RALYL: variants seen among roughly 807,000 people sequenced by gnomAD.
RALYL encodes the protein RALY RNA binding protein like, also known as RNA-binding Raly-like protein.
RALYL carries 29 observed loss-of-function variants against 35.1 expected under a neutral mutation model. That is an observed-to-expected ratio of 0.83 (90% CI 0.61 to 1.13). The LOEUF (loss-of-function observed/expected upper bound fraction) is 1.13, where lower values mean the gene tolerates loss of function less well. RALYL is among the 50% of genes most tolerant of loss of function. The pLI is 0.00. For missense variants in RALYL, 359 were observed against 360.4 expected, an observed-to-expected ratio of 1.00 and a Z score of 0.03; for synonymous variants, 120 against 127.6, an observed-to-expected ratio of 0.94 and a Z score of 0.40.
At chr8:84,497,957 G>T (rs1587792823) in intron 1 of RALYL, among the ~76,000 whole-genome samples, 1 of 147,930 alleles carries the variant, frequency 6.8e-6, no homozygotes, top group East Asian at 2.0e-4. Context: ...TGCTTTTTAA[G>T]TTTTTTTTTT....
At chr8:84,222,300 C>T (rs564939099) in intron 1 of RALYL, among the ~76,000 whole-genome samples, 1 of 152,224 alleles carries the variant, frequency 6.6e-6, no homozygotes, top group Non-Finnish European at 1.5e-5. Flanking sequence ...TTATTGAACA[C>T]CTGTCACATT....
intron 2 of RALYL, among the ~76,000 whole-genome samples, chr8:84,664,982 T>A (rs1394281858): frequency 6.6e-6 from 1 of 152,164 alleles, no homozygotes; most frequent in Admixed American, 6.5e-5. Context: ...TGACTCTTAT[T>A]ATTTTGAGGT....
intron 1 of RALYL, among the ~76,000 whole-genome samples, chr8:84,285,358 G>C (rs139159920): frequency 6.6e-6 from 1 of 152,152 alleles, no homozygotes; most frequent in Admixed American, 6.5e-5. Flanking sequence ...TATCACTCAA[G>C]TAAAAATAAG....
At chr8:84,369,351 AAAAG>A (rs1297195465) in intron 1 of RALYL, among the ~76,000 whole-genome samples, 136 of 151,772 alleles carry the variant, frequency 9.0e-4, no homozygotes, top group African/African-American at 3.1e-3. Context: ...GATAAAGGTC[AAAAG>A]AAAGAGATAT....
chr8:84,446,509 C>T (rs2048874618), intron 1 of RALYL, among the ~76,000 whole-genome samples: 2 of 151,988 alleles, frequency 1.3e-5, no homozygotes. Context: ...TCTCATGGAC[C>T]ATCTGTATGG....
intron 1 of RALYL, among the ~76,000 whole-genome samples, chr8:84,319,127 C>T (rs1844330416): frequency 6.6e-6 from 1 of 152,120 alleles, no homozygotes; most frequent in Admixed American, 6.5e-5. Flanking sequence ...GCCAACTATA[C>T]ATTGGCATCA....
chr8:84,426,266 G>A (rs906910598), intron 1 of RALYL, among the ~76,000 whole-genome samples: 1 of 151,972 alleles, frequency 6.6e-6, no homozygotes, highest in Non-Finnish European at 1.5e-5. Context: ...TACTTATTTA[G>A]CATAAATCTC....
In RALYL at chr8:84,728,095, G is replaced by T. The variant is rs541330390; in HGVS notation, c.257-46484G>T. On this transcript the variant is annotated intron_variant, in intron 2 of 8. Coordinates refer to ENST00000521268, the MANE Select transcript of RALYL (RefSeq NM_173848.7). The stretch of plus-strand genomic sequence containing the variant: ...ACTAGTTTACAGTCCCACCAACAGT[G>T]TAAAAGTGTTCCTATTTCTCCACAT... Among the ~76,000 whole-genome samples, 76 of 151,610 alleles carry T rather than the reference G, an allele frequency of 5.0e-4. 1 individual carries two copies. Among genetic ancestry groups the T allele is most frequent in the Admixed American group, 1.1e-3 (16 of 15,220 alleles).
chr8:84,802,369 A>ACAT (rs1272257971), intron 3 of RALYL, among the ~76,000 whole-genome samples: 1 of 152,244 alleles, frequency 6.6e-6, no homozygotes, highest in Admixed American at 6.5e-5. Flanking sequence ...GGTTTATAGA[A>ACAT]CATCATCAGA....
chr8:84,820,922 G>C (rs1828378994), intron 4 of RALYL, among the ~76,000 whole-genome samples: 1 of 152,166 alleles, frequency 6.6e-6, no homozygotes, highest in South Asian at 2.1e-4. Context: ...TGCACGAAGA[G>C]AGTTGTTATT....
At chr8:84,598,456 C>G (rs1013099716) in intron 2 of RALYL, among the ~76,000 whole-genome samples, 4 of 152,098 alleles carry the variant, frequency 2.6e-5, no homozygotes, top group African/African-American at 9.7e-5. Flanking sequence ...TTCTCTTGTC[C>G]TACATACCAC....
intron 1 of RALYL, among the ~76,000 whole-genome samples, chr8:84,324,654 G>C (rs1845477154): frequency 6.6e-6 from 1 of 151,482 alleles, no homozygotes; most frequent in Admixed American, 6.6e-5. Context: ...TGGTTGCGGA[G>C]TGATGCTTTT....
chr8:84,379,279 G>T (rs1023472074), intron 1 of RALYL, among the ~76,000 whole-genome samples: 1 of 151,802 alleles, frequency 6.6e-6, no homozygotes, highest in South Asian at 2.1e-4. Flanking sequence ...ATCAATAATA[G>T]CAGTGGCAAG....
At chr8:84,257,208 A>T (rs1831371834) in intron 1 of RALYL, among the ~76,000 whole-genome samples, 2 of 152,060 alleles carry the variant, frequency 1.3e-5, no homozygotes, top group South Asian at 4.1e-4. Context: ...ATTATTCTTG[A>T]TAAACTTGCT....
At chr8:84,361,334 G>A (rs940056184) in intron 1 of RALYL, among the ~76,000 whole-genome samples, 5 of 152,256 alleles carry the variant, frequency 3.3e-5, no homozygotes, top group South Asian at 2.1e-4. Context: ...GCCCTTGGCT[G>A]TGCTGGAAAT....
intron 1 of RALYL, among the ~76,000 whole-genome samples, chr8:84,215,020 C>T (rs1820444778): frequency 6.6e-6 from 1 of 151,788 alleles, no homozygotes; most frequent in East Asian, 1.9e-4. Context: ...ATTCTCCTGC[C>T]TCAGCCTCCC....
chr8:84,575,955 T>C (rs767433447), intron 2 of RALYL, among the ~76,000 whole-genome samples: 58 of 149,478 alleles, frequency 3.9e-4, no homozygotes, highest in Non-Finnish European at 6.4e-4. Flanking sequence ...TAGCAAGATT[T>C]TGTCTCAAAA....
chr8:84,807,489 A>ATCTT (rs1305269237), intron 4 of RALYL, among the ~76,000 whole-genome samples: 1 of 152,184 alleles, frequency 6.6e-6, no homozygotes, highest in Non-Finnish European at 1.5e-5. Context: ...ATGTGCAAGT[A>ATCTT]TCTTTTTCAT....
intron 2 of RALYL, among the ~76,000 whole-genome samples, chr8:84,624,526 G>C (rs1822303404): frequency 6.6e-6 from 1 of 152,140 alleles, no homozygotes; most frequent in Admixed American, 6.5e-5. Context: ...TCCTCTGACT[G>C]ACTGCACTTA....
Sources: allele counts gnomAD v4.1 joint callset (sites outside exome capture counted in the v4.1 genomes callset), GRCh38; gene constraint gnomAD v4.1.1; transcripts MANE v1.5; gene names NCBI Gene and HGNC (gene_info 2026-07-23, HGNC 2026-07-21).